Variants in KCNQ3 observed in about 807,000 individuals in gnomAD.
KCNQ3 encodes the protein potassium voltage-gated channel subfamily KQT member 3.
Under a neutral mutation model 92.5 loss-of-function variants are expected in KCNQ3, and 30 were observed. The observed-to-expected ratio is 0.32, with a 90% CI of 0.24 to 0.44. The LOEUF is 0.44. Ranked by LOEUF, KCNQ3 falls within the 20% of genes least tolerant of loss-of-function variation. The pLI, the probability that KCNQ3 is intolerant of heterozygous loss-of-function variation, is 1.00. For synonymous variants in KCNQ3, 450 were observed against 468.8 expected (o/e 0.96, Z 0.52); for missense variants, 913 against 1,140.3 (o/e 0.80, Z 2.87).
rs560059327 is a variant in KCNQ3, at chr8:132,189,642, C to A, written c.387-3461G>T. The stretch of plus-strand genomic sequence containing the variant: ...GGGAGTTCGAGTCCAGCCTGACCAA[C>A]GTGGAGAAACTCCATCTCTACTAAA... On this transcript the variant is annotated intron_variant, in intron 1 of 14. Coordinates refer to ENST00000388996, the MANE Select transcript of KCNQ3 (RefSeq NM_004519.4). Among the ~76,000 whole-genome samples the A allele has an allele frequency of 2.6e-5, 4 of 152,044 alleles. No homozygotes were observed. In the East Asian group the frequency reaches 7.8e-4, roughly 29 times the overall value.
chr8:132,296,154 G>A (rs1817014876), intron 1 of KCNQ3, among the ~76,000 whole-genome samples: 1 of 152,250 alleles, frequency 6.6e-6, no homozygotes, highest in South Asian at 2.1e-4. Context: ...TGCCACATGT[G>A]GCCATTGCGT....
At chr8:132,149,075 G>T (rs893315734) in intron 9 of KCNQ3, among the ~76,000 whole-genome samples, 5 of 152,202 alleles carry the variant, frequency 3.3e-5, no homozygotes, top group African/African-American at 7.2e-5. Flanking sequence ...ACAAAGATTT[G>T]CCGTTCATGT....
chr8:132,322,401 A>T (rs898920923), intron 1 of KCNQ3, among the ~76,000 whole-genome samples: 1 of 152,152 alleles, frequency 6.6e-6, no homozygotes, highest in Non-Finnish European at 1.5e-5. Flanking sequence ...CAGAACTGAG[A>T]TGCAGAATTT....
At chr8:132,397,367 T>C (rs1820219743) in intron 1 of KCNQ3, among the ~76,000 whole-genome samples, 1 of 152,134 alleles carries the variant, frequency 6.6e-6, no homozygotes, top group African/African-American at 2.4e-5. Context: ...GAGAGCAAAG[T>C]ACTAGATTCC....
In KCNQ3 at chr8:132,170,383, C is replaced by T; in HGVS notation, c.1186G>A (p.Val396Met). 1 of 1,613,892 alleles carries T rather than the reference C, an allele frequency of 6.2e-7. No individual in the cohort carries two copies. Among genetic ancestry groups the T allele is most frequent in the South Asian group, 1.1e-5 (1 of 91,080 alleles). The part of the protein sequence containing the change: ...YATNPNRIDL[V>M]ATWRFYESVV... ...GATTCATAAAATCTCCATGTCGCCA[C>T]CAGGTCAATCCTGTTGGGGTTGGTA... The change falls in exon 8 of 15, where the codon GTG becomes ATG. Residue 396 changes from valine to methionine, a missense_variant. Around this residue, in one of 6 missense-constraint regions of KCNQ3, gnomAD observed 52 missense variants for 127.7 expected, o/e 0.41. Transcript: ENST00000388996.
chr8:132,372,337 T>C lies in KCNQ3; in HGVS notation c.386+107810A>G, dbSNP rs563736911. On this transcript the variant is annotated intron_variant, in intron 1 of 14. Transcript: ENST00000388996. ...TCTGACACTGTCTTATTTCTGATAC[T>C]CACTAGCTAAATGTTCTTGGGCAAT... 5.9e-5 allele frequency among the ~76,000 whole-genome samples: 9 copies of C among 152,306 alleles called. No homozygotes were observed. In the South Asian group the frequency reaches 1.9e-3, roughly 32 times the overall value.
At chr8:132,176,671 T>C (rs1294903960) in intron 4 of KCNQ3, among the ~76,000 whole-genome samples, 1 of 152,176 alleles carries the variant, frequency 6.6e-6, no homozygotes, top group South Asian at 2.1e-4. Flanking sequence ...GCAGTCTGAA[T>C]AGCCCTCCCA....
At chr8:132,403,016 C>CAAAAAAAAAATAAAAAAAAAA (rs1820382502) in intron 1 of KCNQ3, among the ~76,000 whole-genome samples, 1 of 67,632 alleles carries the variant, frequency 1.5e-5, no homozygotes, top group Non-Finnish European at 2.4e-5. Flanking sequence ...GGCACCATCA[C>CAAAAAAAAAATAAAAAAAAAA]AAAAAAAAAA....
intron 1 of KCNQ3, among the ~76,000 whole-genome samples, chr8:132,274,977 T>A (rs936795888): frequency 6.6e-6 from 1 of 152,016 alleles, no homozygotes. Flanking sequence ...GAGCAGGAGG[T>A]CACTCACCCC....
rs199797443 is a variant in KCNQ3 at position 132,394,120 on chromosome 8, CTTGCCTTCAGGAG to C, written c.386+86014_386+86026del. On this transcript the variant is annotated intron_variant, in intron 1 of 14. Transcript: ENST00000388996. Reference sequence around the variant, plus strand: ...TTAGAAACCTGACTCTGATTCAGGGCTTGCCTTCAGGAGGAAGGGCAAGAAGCGCAAGTACTCT... The same window carrying C: ...TTAGAAACCTGACTCTGATTCAGGGCGAAGGGCAAGAAGCGCAAGTACTCT... 3.4e-3 allele frequency among the ~76,000 whole-genome samples: 511 copies of C among 152,328 alleles called. 3 individuals carry two copies. The highest frequency in any genetic ancestry group is 0.011 in the African/African-American group (477 of 41,570).
In KCNQ3 at chr8:132,124,716, T is replaced by C. The variant is rs2130915516; in HGVS notation, c.*4546A>G. ...ATATAAACAACTTAGACTTTAAAAG[T>C]TCATCCTGAAAAACAAGCCTTCAAG... On this transcript the variant is annotated 3_prime_UTR_variant, in exon 15 of 15. Transcript: ENST00000388996. 1 of 152,336 alleles carries C rather than the reference T, an allele frequency of 6.6e-6. No homozygotes were observed. Among genetic ancestry groups the C allele is most frequent in the Non-Finnish European group, 1.5e-5 (1 of 68,032 alleles). 9.4% of individuals were successfully genotyped at this position (152,336 alleles called of 1,614,324 possible). A position where few individuals can be genotyped will look rare whatever the true frequency, so the allele number is the denominator to read the frequency against.
intron 1 of KCNQ3, among the ~76,000 whole-genome samples, chr8:132,439,112 G>C (rs191475761): frequency 6.6e-6 from 1 of 151,320 alleles, no homozygotes; most frequent in African/African-American, 2.4e-5. Flanking sequence ...GCTTTATGCC[G>C]AACCAATTTT....
intron 12 of KCNQ3, among the ~76,000 whole-genome samples, chr8:132,137,625 GC>G (rs1243502570): frequency 3.3e-5 from 5 of 152,172 alleles, no homozygotes; most frequent in Non-Finnish European, 7.4e-5. Flanking sequence ...ACAGTCAGAA[GC>G]CATTTAAATG....
At position 132,412,387 on chromosome 8, in the gene KCNQ3, G is replaced by A. The variant is rs536540020; in HGVS notation, c.386+67760C>T. Among the ~76,000 whole-genome samples, 4 of 152,156 alleles carry A rather than the reference G, an allele frequency of 2.6e-5. No homozygotes were observed. The East Asian group carries it at 7.7e-4, about 29-fold the overall frequency. On this transcript the variant is annotated intron_variant, in intron 1 of 14. Coordinates refer to ENST00000388996, the MANE Select transcript of KCNQ3 (RefSeq NM_004519.4). ...GTGATCCATAAAGCACACATTTTGA[G>A]GAAAAGATGTTCAGGATGGCTCTTA...
chr8:132,206,516 A>C (rs73356976), intron 1 of KCNQ3, among the ~76,000 whole-genome samples: 1,977 of 152,368 alleles, frequency 0.013, 47 homozygotes, highest in African/African-American at 0.046. Context: ...GACCAAGGAC[A>C]CAGTCATATA....
chr8:132,287,924 G>A (rs764116663), intron 1 of KCNQ3, among the ~76,000 whole-genome samples: 3 of 152,060 alleles, frequency 2.0e-5, no homozygotes, highest in Non-Finnish European at 4.4e-5. Context: ...ATAAAATGGT[G>A]AATTTTATGT....
intron 2 of KCNQ3, 82 bp from the exon 3 acceptor site, chr8:132,184,449 G>T: frequency 7.1e-7 from 1 of 1,414,632 alleles, no homozygotes; most frequent in East Asian, 3.0e-5. Context: ...CGGAAGTTCT[G>T]AAGAACTCCA....
chr8:132,330,792 C>A (rs1284533949), intron 1 of KCNQ3, among the ~76,000 whole-genome samples: 1 of 152,176 alleles, frequency 6.6e-6, no homozygotes, highest in Non-Finnish European at 1.5e-5. Flanking sequence ...GATGCAGCAG[C>A]TGTCAGGCCA....
intron 1 of KCNQ3, among the ~76,000 whole-genome samples, chr8:132,434,182 TG>T (rs1821325455): frequency 6.9e-6 from 1 of 144,434 alleles, no homozygotes; most frequent in South Asian, 2.2e-4. Flanking sequence ...CACTCCAGCC[TG>T]GGTGACAGAG....
Sources: gnomAD v4.1 joint callset for allele counts (sites outside exome capture counted in the v4.1 genomes callset) on GRCh38, gnomAD v4.1.1 for gene constraint, gnomAD v4.1.1 regional missense constraint, MANE v1.5 for transcripts, NCBI Gene and HGNC (gene_info 2026-07-23, HGNC 2026-07-21) for gene names.